The following MCPH1 variants were observed in gnomAD, a reference collection of about 807,000 sequenced individuals.
The protein encoded by MCPH1 is microcephalin 1.
MCPH1 carries 104 observed loss-of-function variants against 84.5 expected under a neutral mutation model. The ratio of observed to expected loss-of-function variants is 1.23; its 90% confidence interval spans 1.05 to 1.45. The LOEUF is 1.45. Among genes scored for constraint, MCPH1 ranks in the 40% most tolerant of loss-of-function variants. The pLI is 0.00. For missense variants in MCPH1, 1,498 were observed against 1,005.7 expected (o/e 1.49, Z -6.62); for synonymous variants, 514 against 366.8 (o/e 1.40, Z -4.58).
chr8:6,443,704 C>T (rs909897096), intron 7 of MCPH1, among the ~76,000 whole-genome samples: 1 of 152,164 alleles, frequency 6.6e-6, no homozygotes, highest in Non-Finnish European at 1.5e-5. Flanking sequence ...GGAGAGCTGG[C>T]AAGGGCAGTG....
At chr8:6,533,569 C>CTTTT (rs56882906) in intron 12 of MCPH1, among the ~76,000 whole-genome samples, 12 of 113,342 alleles carry the variant, frequency 1.1e-4, no homozygotes, top group South Asian at 2.9e-4. Flanking sequence ...CGTTTAGTTT[C>CTTTT]TTTTTTTTTT....
chr8:6,406,826 GC>G, intron 1 of MCPH1, 137 bp downstream of exon 1: 1 of 770,788 alleles, frequency 1.3e-6, no homozygotes, highest in Non-Finnish European at 2.0e-6. Flanking sequence ...CAGACCCCCT[GC>G]CGCCTCCTTC....
chr8:6,641,087 C>T (rs1349292955), intron 13 of MCPH1, among the ~76,000 whole-genome samples: 2 of 152,062 alleles, frequency 1.3e-5, no homozygotes, highest in African/African-American at 2.4e-5. Context: ...AAATCATCTT[C>T]CTATGCATTT....
rs115224568 is a variant in MCPH1 at position 6,468,142 on chromosome 8, C to T, written c.1936-9452C>T. 3.1e-3 allele frequency among the ~76,000 whole-genome samples: 468 copies of T among 152,298 alleles called. 4 individuals are homozygous for T. The highest frequency in any genetic ancestry group is 0.01 in the African/African-American group (427 of 41,558). ...CCACCAAGGATCCAGAGCTCAGAGGCAGTCTTTCCTGTGCAGATAAGAGTG... is the reference window on the plus strand; with the variant it reads ...CCACCAAGGATCCAGAGCTCAGAGGTAGTCTTTCCTGTGCAGATAAGAGTG... On this transcript the variant is annotated intron_variant, in intron 9 of 13. Coordinates refer to ENST00000344683, the MANE Select transcript of MCPH1 (RefSeq NM_024596.5).
chr8:6,614,112 A>C (rs1162339138), intron 12 of MCPH1, among the ~76,000 whole-genome samples: 1 of 148,328 alleles, frequency 6.7e-6, no homozygotes, highest in Non-Finnish European at 1.5e-5. Context: ...TACACTGAGA[A>C]TTATTTTAGA....
At chr8:6,584,858 A>T (rs1056878835) in intron 12 of MCPH1, among the ~76,000 whole-genome samples, 2 of 152,232 alleles carry the variant, frequency 1.3e-5, no homozygotes, top group Non-Finnish European at 2.9e-5. Flanking sequence ...CTAGTTGCAC[A>T]GTTACCCCAT....
chr8:6,630,795 A>AC (rs1491146091), intron 13 of MCPH1, among the ~76,000 whole-genome samples: 754 of 70,270 alleles, frequency 0.011, 12 homozygotes, highest in African/African-American at 0.028. Context: ...AAAAAAAAAC[A>AC]AAAAAAAAAA....
chr8:6,613,194 C>G (rs1200638797), intron 12 of MCPH1, among the ~76,000 whole-genome samples: 1 of 152,112 alleles, frequency 6.6e-6, no homozygotes, highest in Non-Finnish European at 1.5e-5. Flanking sequence ...AGTGGGGAGC[C>G]ACGGCTGAGC....
chr8:6,604,578 C>A (rs58844311), intron 12 of MCPH1, among the ~76,000 whole-genome samples: 2 of 152,366 alleles, frequency 1.3e-5, no homozygotes, highest in East Asian at 3.9e-4. Flanking sequence ...AAACTCGGCT[C>A]ACTGCAATCT....
chr8:6,510,812 T>C (rs1038384655), intron 12 of MCPH1, among the ~76,000 whole-genome samples: 2 of 152,200 alleles, frequency 1.3e-5, no homozygotes, highest in African/African-American at 4.8e-5. Context: ...TGCTCCTAAG[T>C]GACTTCAGTA....
chr8:6,406,713 T>A, intron 1 of MCPH1, 24 bp downstream of exon 1: 1 of 1,611,090 alleles, frequency 6.2e-7, no homozygotes, highest in Non-Finnish European at 8.5e-7. Flanking sequence ...TGCTGCCTGC[T>A]CCAGCAGCGG....
intron 12 of MCPH1, among the ~76,000 whole-genome samples, chr8:6,598,766 G>GC (rs540325548): frequency 6.6e-6 from 1 of 152,336 alleles, no homozygotes; most frequent in South Asian, 2.1e-4. Context: ...ACTAAGAAGA[G>GC]CCCCCTGCCA....
rs1798050256 is a variant in MCPH1, at chr8:6,643,256, T to C, written c.*207T>C. 3 of 598,302 alleles carry C rather than the reference T, an allele frequency of 5.0e-6. No homozygotes were observed. In the African/African-American group the frequency reaches 5.6e-5, roughly 11 times the overall value. 37.1% of individuals were successfully genotyped at this position (598,302 alleles called of 1,614,324 possible). A position where few individuals can be genotyped will look rare whatever the true frequency, so the allele number is the denominator to read the frequency against. On this transcript the variant is annotated 3_prime_UTR_variant, in exon 14 of 14. Coordinates refer to ENST00000344683, the MANE Select transcript of MCPH1 (RefSeq NM_024596.5). ...TGTTTCAGAGACGCTTCGGGCCTTT[T>C]TATTTTTATTTTATTTTTTATTTTT... is the stretch of plus-strand genomic sequence containing the variant.
intron 4 of MCPH1, among the ~76,000 whole-genome samples, chr8:6,433,555 C>T (rs564230373): frequency 6.7e-6 from 1 of 149,088 alleles, no homozygotes; most frequent in African/African-American, 2.5e-5. Context: ...ATTGCTTGAA[C>T]CCAGGAGGTG....
At chr8:6,556,359 G>C (rs1363804626) in intron 12 of MCPH1, among the ~76,000 whole-genome samples, 1 of 151,898 alleles carries the variant, frequency 6.6e-6, no homozygotes, top group Non-Finnish European at 1.5e-5. Flanking sequence ...TATTACTTGG[G>C]TAATAGGAAT....
At chr8:6,521,608 G>A (rs143896310) in intron 12 of MCPH1, among the ~76,000 whole-genome samples, 48 of 152,308 alleles carry the variant, frequency 3.2e-4, no homozygotes, top group African/African-American at 1.1e-3. Context: ...ATATGTAAAC[G>A]TATAAGCATA....
chr8:6,435,429 C>T (rs544470906), intron 4 of MCPH1, among the ~76,000 whole-genome samples: 39 of 152,222 alleles, frequency 2.6e-4, no homozygotes, highest in Middle Eastern at 6.8e-3. Flanking sequence ...GTTTCATAGG[C>T]AGAGAAAACA....
At chr8:6,410,557 GCCTC>G (rs1798397171) in intron 2 of MCPH1, among the ~76,000 whole-genome samples, 5 of 152,270 alleles carry the variant, frequency 3.3e-5, no homozygotes, top group Admixed American at 2.6e-4. Context: ...TGTTCAGGTA[GCCTC>G]TATTTGACTT....
intron 9 of MCPH1, among the ~76,000 whole-genome samples, chr8:6,456,757 G>C (rs184934883): frequency 1.8e-4 from 28 of 151,756 alleles, no homozygotes; most frequent in Admixed American, 2.6e-4. Context: ...CATGAGGTTT[G>C]ACTTTCTCAT....
Sources: gnomAD v4.1 joint callset for allele counts (sites outside exome capture counted in the v4.1 genomes callset) on GRCh38, gnomAD v4.1.1 for gene constraint, MANE v1.5 for transcripts, NCBI Gene and HGNC (gene_info 2026-07-23, HGNC 2026-07-21) for gene names.